TSHZ3: variants seen among roughly 807,000 people sequenced by gnomAD.
The protein encoded by TSHZ3 is teashirt zinc finger homeobox 3.
A neutral mutation model predicts 64.5 loss-of-function variants in TSHZ3; 10 were observed. The ratio of observed to expected loss-of-function variants is 0.16; its 90% confidence interval spans 0.10 to 0.26. The LOEUF (loss-of-function observed/expected upper bound fraction) is 0.26. Ranked by LOEUF, TSHZ3 falls within the 10% of genes least tolerant of loss-of-function variation. TSHZ3 has a pLI of 1.00. For synonymous variants in TSHZ3, 608 were observed against 593.1 expected, an observed-to-expected ratio of 1.03 and a Z score of -0.36; for missense variants, 1,242 against 1,421.7, an observed-to-expected ratio of 0.87 and a Z score of 2.03.
chr19:31,226,977 C>CTTTTTTTTTT (rs3030229), intron 4 of TSHZ3, among the ~76,000 whole-genome samples: 1,214 of 65,502 alleles, frequency 0.019, 117 homozygotes, highest in African/African-American at 0.073. Context: ...TTCTTTCTTT[C>CTTTTTTTTTT]TTTTTTTTTT....
chr19:31,165,943 G>A (rs1161405481), intron 5 of TSHZ3, among the ~76,000 whole-genome samples: 1 of 152,162 alleles, frequency 6.6e-6, no homozygotes, highest in African/African-American at 2.4e-5. Flanking sequence ...TGGATGTGCC[G>A]ACTTCTAGTA....
At chr19:31,164,730 C>T (rs1313096239) in intron 5 of TSHZ3, among the ~76,000 whole-genome samples, 1 of 152,194 alleles carries the variant, frequency 6.6e-6, no homozygotes, top group East Asian at 1.9e-4. Flanking sequence ...GCTCCTGTTC[C>T]AGCAGCTCTC....
chr19:31,313,033 A>C (rs1328092327), intron 1 of TSHZ3, among the ~76,000 whole-genome samples: 2 of 152,142 alleles, frequency 1.3e-5, no homozygotes, highest in Non-Finnish European at 2.9e-5. Flanking sequence ...ACGTGTGTAA[A>C]CAGTAAGTTC....
chr19:31,316,250 A>G (rs1215329788), intron 1 of TSHZ3, among the ~76,000 whole-genome samples: 2 of 152,144 alleles, frequency 1.3e-5, no homozygotes, highest in African/African-American at 4.8e-5. Flanking sequence ...CCCATTTTCC[A>G]GGGGGAAATC....
chr19:31,294,533 G>A (rs1429396151), intron 1 of TSHZ3, among the ~76,000 whole-genome samples: 2 of 152,160 alleles, frequency 1.3e-5, no homozygotes, highest in East Asian at 1.9e-4. Context: ...ACACTGTTTG[G>A]ATGGACAGTG....
intron 5 of TSHZ3, among the ~76,000 whole-genome samples, chr19:31,183,125 T>C (rs1974743701): frequency 6.6e-6 from 1 of 151,766 alleles, no homozygotes; most frequent in South Asian, 2.1e-4. Context: ...CAGCCTGCCC[T>C]GCAGATTTAG....
At chr19:31,315,371 A>G (rs570319229) in intron 1 of TSHZ3, among the ~76,000 whole-genome samples, 26 of 152,312 alleles carry the variant, frequency 1.7e-4, no homozygotes, top group African/African-American at 6.0e-4. Flanking sequence ...CTTGGGACTG[A>G]TAAGTCCATT....
In TSHZ3 at chr19:31,349,336, C is replaced by T. The variant is rs1039033987; in HGVS notation, c.-117G>A. 120 of 1,010,014 alleles carry T rather than the reference C, an allele frequency of 1.2e-4. No homozygotes were observed. Among genetic ancestry groups the T allele is most frequent in the Non-Finnish European group, 1.4e-4 (108 of 754,368 alleles). The allele number at this position is 1,010,014 out of a possible 1,614,324, so 62.6% of individuals were successfully genotyped here. On this transcript the variant is annotated 5_prime_UTR_variant, in exon 1 of 2. Transcript: ENST00000240587. Reference sequence around the variant, plus strand: ...AGGCGGGCCTGCTCTCAGCCTCCCCCCCGGAGAGCGGCCGCCCGCAGGATG... The same window carrying T: ...AGGCGGGCCTGCTCTCAGCCTCCCCTCCGGAGAGCGGCCGCCCGCAGGATG...
intron 1 of TSHZ3, among the ~76,000 whole-genome samples, chr19:31,296,853 A>T (rs1252747310): frequency 6.6e-6 from 1 of 152,208 alleles, no homozygotes; most frequent in African/African-American, 2.4e-5. Context: ...CCAGCTCCAC[A>T]GAATGCCAAA....
At chr19:31,224,607 T>G (rs1182980924) in intron 4 of TSHZ3, among the ~76,000 whole-genome samples, 1 of 152,136 alleles carries the variant, frequency 6.6e-6, no homozygotes, top group Admixed American at 6.5e-5. Flanking sequence ...ACGTGGTGGG[T>G]CAATGCTACC....
At position 31,178,963 on chromosome 19, in the gene TSHZ3, A is replaced by G. The variant is rs970260401; in HGVS notation, n.810-22546T>C. Among the ~76,000 whole-genome samples the G allele has an allele frequency of 2.0e-5, 3 of 152,154 alleles. 1 individual carries two copies. Among genetic ancestry groups the G allele is most frequent in the Admixed American group, 2.0e-4 (3 of 15,276 alleles). The stretch of plus-strand genomic sequence containing the variant: ...TCTGGGGAAGATGGTGGTGGAAATC[A>G]GGAAATATAGTAGTTGAAGACAGAG... On this transcript the variant is annotated intron_variant and non_coding_transcript_variant, in intron 5 of 6. Transcript: ENST00000651361.
chr19:31,162,461 CACTTGAATGGATG>C (rs1974384676), intron 5 of TSHZ3, among the ~76,000 whole-genome samples: 1 of 152,042 alleles, frequency 6.6e-6, no homozygotes, highest in African/African-American at 2.4e-5. Context: ...TTGTTTCAGA[CACTTGAATGGATG>C]AATGAGTAAA....
chr19:31,342,063 C>T (rs1221893196), intron 1 of TSHZ3, among the ~76,000 whole-genome samples: 1 of 152,326 alleles, frequency 6.6e-6, no homozygotes, highest in East Asian at 1.9e-4. Flanking sequence ...AGGAGTATTA[C>T]AATAAGGTGT....
chr19:31,165,711 T>C (rs999232366), intron 5 of TSHZ3, among the ~76,000 whole-genome samples: 1 of 152,130 alleles, frequency 6.6e-6, no homozygotes, highest in Non-Finnish European at 1.5e-5. Flanking sequence ...TGTCCCCGAA[T>C]CAGAGAAAAA....
chr19:31,345,530 TA>T (rs908213592), intron 1 of TSHZ3, among the ~76,000 whole-genome samples: 1 of 152,168 alleles, frequency 6.6e-6, no homozygotes, highest in Non-Finnish European at 1.5e-5. Flanking sequence ...CAGCAGACCC[TA>T]GGGGGTCCAA....
chr19:31,265,204 C>T (rs921705611), intron 1 of TSHZ3, among the ~76,000 whole-genome samples: 2 of 151,660 alleles, frequency 1.3e-5, no homozygotes, highest in African/African-American at 4.8e-5. Flanking sequence ...CGAGATCAGC[C>T]TGGCCAACAT....
intron 1 of TSHZ3, among the ~76,000 whole-genome samples, chr19:31,250,826 C>T (rs1439020246): frequency 1.3e-5 from 2 of 152,182 alleles, no homozygotes; most frequent in East Asian, 3.9e-4. Flanking sequence ...ATGGCAGTAG[C>T]TGCTGTCATC....
chr19:31,266,972 G>A (rs1022438945), intron 1 of TSHZ3, among the ~76,000 whole-genome samples: 2 of 152,182 alleles, frequency 1.3e-5, no homozygotes, highest in African/African-American at 4.8e-5. Flanking sequence ...GCCCAAGGAA[G>A]TGCTCCTGGC....
chr19:31,240,070 AT>A (rs1391726292), intron 3 of TSHZ3, among the ~76,000 whole-genome samples: 1 of 151,480 alleles, frequency 6.6e-6, no homozygotes, highest in Non-Finnish European at 1.5e-5. Flanking sequence ...TAATCTGAAA[AT>A]TTTTTTCTTG....
Sources: allele counts gnomAD v4.1 joint callset (sites outside exome capture counted in the v4.1 genomes callset), GRCh38; gene constraint gnomAD v4.1.1; transcripts MANE v1.5; gene names NCBI Gene and HGNC (gene_info 2026-07-23, HGNC 2026-07-21).